EML6: variants seen among roughly 807,000 people sequenced by gnomAD.
EML6 encodes EMAP like 6.
In EML6, 154 loss-of-function variants were observed where a neutral mutation model predicts 240.1. The ratio of observed to expected loss-of-function variants is 0.64; its 90% CI spans 0.56 to 0.73. The LOEUF is 0.73. Ranked by LOEUF, EML6 falls within the 30% of genes least tolerant of loss-of-function variation. The pLI is 0.00. For synonymous variants in EML6, 1,148 were observed against 899.0 expected (o/e 1.28, Z -4.95); for missense variants, 2,964 against 2,474.6 (o/e 1.20, Z -4.20).
chr2:54,911,519 T>G (rs1302206913), intron 25 of EML6, among the ~76,000 whole-genome samples: 1 of 151,162 alleles, frequency 6.6e-6, no homozygotes, highest in Non-Finnish European at 1.5e-5. Flanking sequence ...AACCTCCCCC[T>G]CCCAGGTTAA....
Position 54,724,979 on chromosome 2 carries a change from C to A in EML6, c.-83C>A, listed in dbSNP as rs1682836875. 2 of 1,194,968 alleles carry A rather than the reference C, an allele frequency of 1.7e-6. No homozygotes were observed. Among genetic ancestry groups the A allele is most frequent in the African/African-American group, 3.2e-5 (2 of 61,638 alleles). The allele number at this position is 1,194,968 out of a possible 1,614,324, so 74.0% of individuals were successfully genotyped here. A position where few individuals can be genotyped will look rare whatever the true frequency, so the allele number is the denominator to read the frequency against. On this transcript the variant is annotated 5_prime_UTR_variant, in exon 2 of 42. Coordinates refer to ENST00000356458, the MANE Select transcript of EML6 (RefSeq NM_001039753.4). The surrounding 1 kb of genome is among the most constrained non-coding windows in gnomAD (Gnocchi z 5.2). ...AGCGCCCTGCGCCGCGCGCTGAGCC[C>A]CTGCAGGTCCGCCGCAGCCCCAGCC... is the stretch of plus-strand genomic sequence containing the variant.
chr2:54,727,379 T>G (rs961273239), intron 2 of EML6, among the ~76,000 whole-genome samples: 7 of 137,420 alleles, frequency 5.1e-5, no homozygotes, highest in African/African-American at 1.7e-4. Flanking sequence ...AAAATTAAGT[T>G]CAATGAATTA....
intron 28 of EML6, among the ~76,000 whole-genome samples, chr2:54,934,628 C>T (rs1478729098): frequency 1.3e-5 from 2 of 152,090 alleles, no homozygotes; most frequent in Non-Finnish European, 2.9e-5. Context: ...TGGCTCACTG[C>T]AGCCTCAGCC....
intron 28 of EML6, among the ~76,000 whole-genome samples, chr2:54,944,782 T>C (rs531212291): frequency 6.6e-6 from 1 of 152,178 alleles, no homozygotes; most frequent in African/African-American, 2.4e-5. Context: ...CTGTACATGA[T>C]TCTGGAAGAC....
chr2:54,736,174 G>A (rs920235184), intron 2 of EML6, among the ~76,000 whole-genome samples: 4 of 152,208 alleles, frequency 2.6e-5, no homozygotes, highest in African/African-American at 4.8e-5. Context: ...GGGATTTACC[G>A]CTCATTCCAC....
At chr2:54,789,737 T>C (rs1669324987) in intron 2 of EML6, among the ~76,000 whole-genome samples, 1 of 152,150 alleles carries the variant, frequency 6.6e-6, no homozygotes, top group Non-Finnish European at 1.5e-5. Context: ...AATATTCTCA[T>C]CTTGCAGATG....
intron 22 of EML6, among the ~76,000 whole-genome samples, chr2:54,900,125 C>A (rs1672980625): frequency 6.6e-6 from 1 of 152,138 alleles, no homozygotes; most frequent in Admixed American, 6.5e-5. Flanking sequence ...TAACAGTCTC[C>A]AGAACTTATT....
chr2:54,913,415 T>C (rs1673747615), intron 25 of EML6, among the ~76,000 whole-genome samples: 1 of 152,020 alleles, frequency 6.6e-6, no homozygotes, highest in African/African-American at 2.4e-5. Context: ...GCCCAGCTAA[T>C]TCTTGTATAA....
At chr2:54,929,173 C>G (rs1218499117) in intron 28 of EML6, among the ~76,000 whole-genome samples, 1 of 152,176 alleles carries the variant, frequency 6.6e-6, no homozygotes, top group African/African-American at 2.4e-5. Context: ...TCCATTCTAA[C>G]CAGAATCTGT....
intron 26 of EML6, among the ~76,000 whole-genome samples, chr2:54,924,981 T>G (rs892885494): frequency 1.3e-5 from 2 of 152,248 alleles, no homozygotes; most frequent in Non-Finnish European, 2.9e-5. Context: ...ATCACTCTGT[T>G]GAACAAAGTT....
rs958689886 is a variant in EML6, at chr2:54,916,806, C to T, written c.3546C>T (p.Thr1182=). The T allele has an allele frequency of 1.9e-6, 3 of 1,545,646 alleles. No homozygotes were observed. Among genetic ancestry groups the T allele is most frequent in the Non-Finnish European group, 1.8e-6 (2 of 1,142,400 alleles). ...WDTWTCVLGP[T]CEGIWPAHSD... is the part of the protein sequence containing the mutation. Reference sequence around the variant, plus strand: ...CATGGACCTGTGTCCTGGGGCCCACCTGTGAGGGAATCTGGCCAGCACATA... The same window carrying T: ...CATGGACCTGTGTCCTGGGGCCCACTTGTGAGGGAATCTGGCCAGCACATA... The change falls in exon 26 of 42, where the codon ACC becomes ACT. Residue 1182 remains threonine (T), a synonymous_variant. Coordinates refer to ENST00000356458, the MANE Select transcript of EML6 (RefSeq NM_001039753.4).
intron 2 of EML6, among the ~76,000 whole-genome samples, chr2:54,749,182 A>G (rs1056751513): frequency 2.6e-5 from 4 of 152,202 alleles, no homozygotes; most frequent in Non-Finnish European, 5.9e-5. Flanking sequence ...TAACTCTCTT[A>G]AAGACAGAAA....
chr2:54,958,033 C>A (rs558478822), intron 33 of EML6, 35 bp downstream of exon 33: 1 of 1,520,370 alleles, frequency 6.6e-7, no homozygotes, highest in Non-Finnish European at 8.9e-7. Flanking sequence ...AGAAGGGGAC[C>A]CAGACCCCCT....
rs1038729271 is a variant in EML6, at chr2:54,902,939, C to T, written c.3125-105C>T. On this transcript the variant is annotated intron_variant, in intron 22 of 41. Coordinates refer to ENST00000356458, the MANE Select transcript of EML6 (RefSeq NM_001039753.4). The stretch of plus-strand genomic sequence containing the variant: ...TGTAGTGTCAATTTAAAGGCAGTCA[C>T]GTGTCCATACATAATGCACATCATC... 28 of 999,380 alleles carry T rather than the reference C, an allele frequency of 2.8e-5. No homozygotes were observed. In the Middle Eastern group the frequency reaches 6.3e-4, roughly 23 times the overall value. 61.9% of individuals were successfully genotyped at this position (999,380 alleles called of 1,614,324 possible). A position where few individuals can be genotyped will look rare whatever the true frequency, so the allele number is the denominator to read the frequency against.
chr2:54,799,860 A>C (rs1457889349), intron 2 of EML6, among the ~76,000 whole-genome samples: 1 of 152,246 alleles, frequency 6.6e-6, no homozygotes, highest in Non-Finnish European at 1.5e-5. Context: ...GTTTGTTACT[A>C]GATAGAGCTC....
At chr2:54,923,201 A>G (rs961986026) in intron 26 of EML6, among the ~76,000 whole-genome samples, 1 of 152,110 alleles carries the variant, frequency 6.6e-6, no homozygotes, top group African/African-American at 2.4e-5. Context: ...TCAGCCTCCC[A>G]AAGTGCTGGG....
chr2:54,807,107 AT>A (rs200235255), intron 2 of EML6, among the ~76,000 whole-genome samples: 56 of 150,584 alleles, frequency 3.7e-4, no homozygotes, highest in East Asian at 1.9e-3. Flanking sequence ...GCTTTTATTG[AT>A]TTTTTTTTTC....
intron 5 of EML6, among the ~76,000 whole-genome samples, chr2:54,825,486 C>G (rs1668542176): frequency 6.6e-6 from 1 of 152,174 alleles, no homozygotes; most frequent in East Asian, 1.9e-4. Flanking sequence ...TGGTCTCTAA[C>G]TCCTGGGCTC....
At chr2:54,871,432 C>T (rs953581234) in intron 15 of EML6, 68 bp from the exon 16 acceptor site, 19 of 1,243,178 alleles carry the variant, frequency 1.5e-5, no homozygotes, top group Non-Finnish European at 2.1e-5. Context: ...CAGTGTTGGA[C>T]TCTAAGGAAC....
Sources: gnomAD v4.1 joint callset for allele counts (sites outside exome capture counted in the v4.1 genomes callset) on GRCh38, gnomAD v4.1.1 for gene constraint, Gnocchi (gnomAD v3.1) non-coding constraint, MANE v1.5 for transcripts, NCBI Gene and HGNC (gene_info 2026-07-23, HGNC 2026-07-21) for gene names.